GTF2IRD2B: variants seen among roughly 807,000 people sequenced by gnomAD.
GTF2IRD2B encodes general transcription factor II-I repeat domain-containing protein 2B.
A neutral mutation model predicts 55.6 loss-of-function variants in GTF2IRD2B; 10 were observed. The observed-to-expected ratio is 0.18, with a 90% CI of 0.11 to 0.31. GTF2IRD2B has a LOEUF of 0.31. Among genes scored for constraint, GTF2IRD2B ranks in the 10% least tolerant of loss-of-function variants. The pLI, the probability that GTF2IRD2B is intolerant of heterozygous loss-of-function variation, is 1.00. For synonymous variants in GTF2IRD2B, 107 were observed against 320.5 expected (o/e 0.33, Z 7.12); for missense variants, 206 against 802.7 (o/e 0.26, Z 8.98).
intron 3 of GTF2IRD2B, 187 bp downstream of exon 3, chr7:75,112,722 A>T: frequency 1.5e-6 from 2 of 1,293,700 alleles, no homozygotes; most frequent in Non-Finnish European, 2.2e-6. Context: ...TGGTCATTTT[A>T]TTTTATACTA....
chr7:75,121,421 A>G (rs1479047100), intron 4 of GTF2IRD2B, among the ~76,000 whole-genome samples: 5 of 149,878 alleles, frequency 3.3e-5, no homozygotes, highest in African/African-American at 1.2e-4. Flanking sequence ...ATGTTTGAAC[A>G]TTTCAAAACC....
At chr7:75,123,819 A>G (rs1808463877) in intron 6 of GTF2IRD2B, 5 of 400,212 alleles carry the variant, frequency 1.2e-5, no homozygotes, top group African/African-American at 6.2e-5. Context: ...TGGAGCTTGC[A>G]GTGAGCGGAG....
chr7:75,132,755 G>A (rs1554453135), intron 8 of GTF2IRD2B, among the ~76,000 whole-genome samples: 1 of 147,640 alleles, frequency 6.8e-6, no homozygotes, highest in Non-Finnish European at 1.5e-5. Flanking sequence ...GTTTCACCAT[G>A]TTAGCCAGGT....
chr7:75,146,894 T>C (rs1809159257), intron 15 of GTF2IRD2B: 1 of 146,132 alleles, frequency 6.8e-6, no homozygotes, highest in Non-Finnish European at 1.5e-5. Context: ...GCCTGGGGTT[T>C]CAGACCAGCC....
At chr7:75,137,031 C>G (rs1808861003) in intron 11 of GTF2IRD2B, among the ~76,000 whole-genome samples, 181 bp downstream of exon 11, 1 of 149,272 alleles carries the variant, frequency 6.7e-6, no homozygotes, top group Non-Finnish European at 1.5e-5. Context: ...TGGCGAAACC[C>G]TGTCTCTACT....
intron 3 of GTF2IRD2B, among the ~76,000 whole-genome samples, chr7:75,117,975 C>G (rs1184911778): frequency 1.4e-5 from 2 of 145,900 alleles, no homozygotes; most frequent in African/African-American, 5.2e-5. Flanking sequence ...CCCAGCTACT[C>G]GGGAGGCTGA....
intron 8 of GTF2IRD2B, among the ~76,000 whole-genome samples, chr7:75,127,591 T>C (rs1205768768): frequency 6.8e-6 from 1 of 147,430 alleles, no homozygotes; most frequent in Admixed American, 6.9e-5. Context: ...TTATTTTATT[T>C]ATAGTTGAAT....
chr7:75,104,673 T>C (rs1416173481), intron 1 of GTF2IRD2B, among the ~76,000 whole-genome samples: 4 of 152,210 alleles, frequency 2.6e-5, no homozygotes, highest in Non-Finnish European at 5.9e-5. Context: ...TCTAAGGGAG[T>C]GTTCTGGTGA....
intron 3 of GTF2IRD2B, among the ~76,000 whole-genome samples, chr7:75,117,904 G>A (rs1808224047): frequency 3.9e-5 from 6 of 152,346 alleles, no homozygotes; most frequent in East Asian, 1.9e-4. Flanking sequence ...CCAACATGGC[G>A]AAACCCCATC....
intron 8 of GTF2IRD2B, among the ~76,000 whole-genome samples, chr7:75,132,257 G>A (rs587637124): frequency 6.0e-5 from 8 of 134,136 alleles, no homozygotes; most frequent in African/African-American, 2.7e-4. Context: ...CACTTGGGAG[G>A]CTGAGGCAGG....
chr7:75,106,985 G>A (rs1481500390), intron 1 of GTF2IRD2B, among the ~76,000 whole-genome samples: 1 of 151,488 alleles, frequency 6.6e-6, no homozygotes, highest in Non-Finnish European at 1.5e-5. Flanking sequence ...TTTAGAGTGA[G>A]CTTTTAGGAG....
intron 1 of GTF2IRD2B, among the ~76,000 whole-genome samples, chr7:75,102,102 A>G (rs1322598277): frequency 0.012 from 1,860 of 150,830 alleles, 8 homozygotes; most frequent in Non-Finnish European, 0.02. Context: ...TCCCGGGTTC[A>G]AGAGATTCTC....
At chr7:75,113,872 G>T (rs1315914302) in intron 3 of GTF2IRD2B, among the ~76,000 whole-genome samples, 1 of 147,790 alleles carries the variant, frequency 6.8e-6, no homozygotes, top group Non-Finnish European at 1.5e-5. Context: ...AAGTGTGTGT[G>T]TGTGTGTGTG....
chr7:75,139,527 G>A (rs1554534141), intron 12 of GTF2IRD2B, among the ~76,000 whole-genome samples: 1 of 108,330 alleles, frequency 9.2e-6, no homozygotes, highest in Non-Finnish European at 1.9e-5. Flanking sequence ...CCAGCTACTC[G>A]GGAGGCTGAG....
intron 1 of GTF2IRD2B, among the ~76,000 whole-genome samples, chr7:75,103,413 C>T (rs1410127024): frequency 2.0e-5 from 3 of 151,242 alleles, no homozygotes; most frequent in Non-Finnish European, 4.4e-5. Flanking sequence ...GCTTCCTAAG[C>T]TGGCGTCACC....
chr7:75,107,108 C>T, intron 1 of GTF2IRD2B, among the ~76,000 whole-genome samples: 1 of 151,538 alleles, frequency 6.6e-6, no homozygotes, highest in Non-Finnish European at 1.5e-5. Flanking sequence ...GCTGTCACAA[C>T]CATGCTGAAA....
At chr7:75,139,939 A>C (rs1482446815) in intron 12 of GTF2IRD2B, among the ~76,000 whole-genome samples, 2 of 105,574 alleles carry the variant, frequency 1.9e-5, no homozygotes, top group Non-Finnish European at 3.7e-5. Context: ...TAATCTCAGC[A>C]CTTTGGGAAG....
At chr7:75,117,955 C>A (rs1368552048) in intron 3 of GTF2IRD2B, among the ~76,000 whole-genome samples, 3 of 151,562 alleles carry the variant, frequency 2.0e-5, no homozygotes, top group Non-Finnish European at 4.4e-5. Context: ...TGGTGGCATG[C>A]ACCTGTAATC....
intron 1 of GTF2IRD2B, among the ~76,000 whole-genome samples, chr7:75,102,848 A>G (rs1181825536): frequency 9.9e-5 from 15 of 152,020 alleles, no homozygotes; most frequent in African/African-American, 3.6e-4. Flanking sequence ...AATCCCAGCT[A>G]CTTGGGAGGC....
Sources: gnomAD v4.1 joint callset for allele counts (sites outside exome capture counted in the v4.1 genomes callset) on GRCh38, gnomAD v4.1.1 for gene constraint, MANE v1.5 for transcripts, NCBI Gene and HGNC (gene_info 2026-07-23, HGNC 2026-07-21) for gene names.